Variants in TCF7L2 observed in about 807,000 individuals in gnomAD.
TCF7L2 encodes the protein transcription factor 7-like 2.
Under a neutral mutation model 77.9 loss-of-function variants are expected in TCF7L2, and 23 were observed. The observed-to-expected ratio is 0.30, with a 90% confidence interval of 0.21 to 0.42. TCF7L2 has a LOEUF of 0.42. Among genes scored for constraint, TCF7L2 ranks in the 10% least tolerant of loss-of-function variants. The probability of loss-of-function intolerance (pLI) is 1.00; values close to 1 mark genes in which losing one functional copy is unlikely to be tolerated. For synonymous variants in TCF7L2, 413 were observed against 340.2 expected, an observed-to-expected ratio of 1.21 and a Z score of -2.36; for missense variants, 654 against 793.1, an observed-to-expected ratio of 0.82 and a Z score of 2.11.
At chr10:113,107,525 C>T (rs147949467) in intron 5 of TCF7L2, among the ~76,000 whole-genome samples, 1,640 of 151,710 alleles carry the variant, frequency 0.011, 18 homozygotes, top group South Asian at 0.023. Flanking sequence ...GGGTGGATCA[C>T]GAGGTCAGGA....
At chr10:113,070,019 A>G (rs1358723672) in intron 5 of TCF7L2, among the ~76,000 whole-genome samples, 2 of 151,938 alleles carry the variant, frequency 1.3e-5, no homozygotes, top group Non-Finnish European at 2.9e-5. Context: ...GCACTTTGGG[A>G]GGCCAAGGCG....
chr10:113,034,306 G>A (rs144527044), intron 4 of TCF7L2, among the ~76,000 whole-genome samples: 48 of 152,282 alleles, frequency 3.2e-4, no homozygotes, highest in African/African-American at 1.0e-3. Flanking sequence ...CTTTTGTAAA[G>A]TGTAATGATA....
intron 5 of TCF7L2, among the ~76,000 whole-genome samples, chr10:113,077,847 C>T (rs543912889): frequency 1.6e-4 from 24 of 149,176 alleles, no homozygotes; most frequent in African/African-American, 4.9e-4. Context: ...CATGCCACCA[C>T]GCCTGGCTTG....
chr10:113,111,334 C>G (rs2063105190), intron 5 of TCF7L2, among the ~76,000 whole-genome samples: 1 of 152,082 alleles, frequency 6.6e-6, no homozygotes, highest in African/African-American at 2.4e-5. Flanking sequence ...ATCTATCTAT[C>G]CCTAGTGCCT....
intron 4 of TCF7L2, among the ~76,000 whole-genome samples, chr10:112,989,361 TAA>T (rs879671758): frequency 1.0e-4 from 14 of 135,562 alleles, no homozygotes; most frequent in Non-Finnish European, 1.1e-4. Flanking sequence ...AGTTCACCAT[TAA>T]AAAAAAAAAA....
chr10:113,135,096 C>T (rs952180796), intron 5 of TCF7L2, among the ~76,000 whole-genome samples: 1 of 152,064 alleles, frequency 6.6e-6, no homozygotes. Context: ...CTTGTGGGGT[C>T]GGGGTGAGAG....
At chr10:112,968,665 G>A (rs1313234152) in intron 4 of TCF7L2, among the ~76,000 whole-genome samples, 5 of 151,914 alleles carry the variant, frequency 3.3e-5, no homozygotes, top group Non-Finnish European at 5.9e-5. Context: ...TGCAACCTCC[G>A]CCTCCCAGGA....
At chr10:113,097,048 A>C (rs2061059493) in intron 5 of TCF7L2, among the ~76,000 whole-genome samples, 1 of 152,082 alleles carries the variant, frequency 6.6e-6, no homozygotes. Flanking sequence ...TGCTGTTTAG[A>C]AAAACAGAGT....
chr10:113,073,977 G>C (rs571234447), intron 5 of TCF7L2, among the ~76,000 whole-genome samples: 4 of 152,284 alleles, frequency 2.6e-5, no homozygotes, highest in South Asian at 2.1e-4. Context: ...CTGGGTCTGG[G>C]GTTTGTCCAT....
chr10:112,985,688 G>A (rs1346513714), intron 4 of TCF7L2, among the ~76,000 whole-genome samples: 1 of 152,176 alleles, frequency 6.6e-6, no homozygotes, highest in African/African-American at 2.4e-5. Flanking sequence ...TTGGGTGGAA[G>A]GGTCCTCGAT....
chr10:113,044,028 A>T (rs1017736075), intron 5 of TCF7L2, among the ~76,000 whole-genome samples: 3 of 152,144 alleles, frequency 2.0e-5, no homozygotes, highest in African/African-American at 7.2e-5. Flanking sequence ...AAGTTCCTAC[A>T]ATTTTATCTT....
chr10:112,964,899 A>G, intron 4 of TCF7L2, among the ~76,000 whole-genome samples: 1 of 151,890 alleles, frequency 6.6e-6, no homozygotes, highest in South Asian at 2.1e-4. Flanking sequence ...GAGATATGGA[A>G]AGAAAGAGAA....
chr10:113,023,064 G>A (rs1031300365), intron 4 of TCF7L2, among the ~76,000 whole-genome samples: 1 of 152,188 alleles, frequency 6.6e-6, no homozygotes, highest in African/African-American at 2.4e-5. Context: ...AAGGAGCAAG[G>A]AGACATTGTG....
chr10:113,057,971 T>C (rs1237757607), intron 5 of TCF7L2, among the ~76,000 whole-genome samples: 1 of 152,142 alleles, frequency 6.6e-6, no homozygotes. Flanking sequence ...CAAACTAAGA[T>C]GTGAACAGTG....
chr10:112,950,564 C>G lies in TCF7L2; in HGVS notation c.-193C>G, dbSNP rs372649758. 5 of 520,290 alleles carry G rather than the reference C, an allele frequency of 9.6e-6. No individual in the cohort carries two copies. The highest frequency in any genetic ancestry group is 5.2e-4 in the Middle Eastern group (1 of 1,914). 32.2% of individuals were successfully genotyped at this position (520,290 alleles called of 1,614,324 possible). ...TCACGCGTGCAGAAGATCTCCCCCC[C>G]CTTCCCCTCCCCTCCTCCCTCTTTT... On this transcript the variant is annotated 5_prime_UTR_variant, in exon 1 of 14. Transcript: ENST00000627217.
intron 12 of TCF7L2, 145 bp from the exon 14 acceptor site, chr10:113,159,775 T>G: frequency 1.6e-6 from 1 of 614,298 alleles, no homozygotes; most frequent in Non-Finnish European, 2.9e-6. Context: ...AGTAACCAGG[T>G]CATTGATTTA....
intron 4 of TCF7L2, among the ~76,000 whole-genome samples, chr10:113,030,518 C>G (rs2050034388): frequency 6.6e-6 from 1 of 152,140 alleles, no homozygotes; most frequent in African/African-American, 2.4e-5. Context: ...TTATAAGAAG[C>G]AGTAATTAGA....
chr10:113,013,664 A>G (rs928060512), intron 4 of TCF7L2, among the ~76,000 whole-genome samples: 3 of 152,302 alleles, frequency 2.0e-5, no homozygotes, highest in Non-Finnish European at 2.9e-5. Context: ...GCTCGTGGGC[A>G]TGTCTTTTTC....
At chr10:113,153,387 C>T (rs895490581) in intron 11 of TCF7L2, among the ~76,000 whole-genome samples, 3 of 152,220 alleles carry the variant, frequency 2.0e-5, no homozygotes, top group African/African-American at 7.2e-5. Flanking sequence ...AGGGGAACAC[C>T]AAAACTTGTC....
Sources: gnomAD v4.1 joint callset for allele counts (sites outside exome capture counted in the v4.1 genomes callset) on GRCh38, gnomAD v4.1.1 for gene constraint, MANE v1.5 for transcripts, NCBI Gene and HGNC (gene_info 2026-07-23, HGNC 2026-07-21) for gene names.